The following GFI1B variants were observed in gnomAD, a reference collection of about 807,000 sequenced individuals.
GFI1B encodes growth factor independent 1B transcriptional repressor, also known as zinc finger protein Gfi-1b.
In GFI1B, 20 loss-of-function variants were observed where a neutral mutation model predicts 35.3. That is an observed-to-expected ratio of 0.57 (90% CI 0.40 to 0.82). GFI1B has a LOEUF of 0.82. GFI1B is among the 40% of genes least tolerant of loss of function. GFI1B has a pLI of 0.00. For synonymous variants in GFI1B, 178 were observed against 177.6 expected, an observed-to-expected ratio of 1.00 and a Z score of -0.02; for missense variants, 430 against 446.3, an observed-to-expected ratio of 0.96 and a Z score of 0.33.
At chr9:132,970,304 C>G (rs1277010366) in intron 1 of GFI1B, among the ~76,000 whole-genome samples, 1 of 152,196 alleles carries the variant, frequency 6.6e-6, no homozygotes, top group South Asian at 2.1e-4. Context: ...GCAAGCTCCT[C>G]TGTTTGCTGA....
upstream of GFI1B, among the ~76,000 whole-genome samples, chr9:132,977,161 TG>T (rs1848654481): frequency 6.6e-6 from 1 of 152,176 alleles, no homozygotes; most frequent in South Asian, 2.1e-4. Flanking sequence ...TTCTCCATGT[TG>T]GTCAGGCTGG....
Position 132,986,725 on chromosome 9 carries a change from A to C in GFI1B, c.47A>C (p.His16Pro). The C allele has an allele frequency of 6.2e-7, 1 of 1,613,038 alleles. No individual in the cohort carries two copies. The highest frequency in any genetic ancestry group is 1.1e-5 in the South Asian group (1 of 90,774). ...AAGAGCAAGAAGGCTCACACCTACC[A>C]CCAGCCCCGTGTGCAGGAAGATGAA... is the stretch of plus-strand genomic sequence containing the variant. ...LVKSKKAHTY[H>P]QPRVQEDEPL... Residue 16 changes from histidine to proline, a missense_variant, in exon 2 of 7, where the codon CAC (histidine) becomes CCC (proline). Transcript: ENST00000372122.
chr9:132,992,359 G>A (rs1849319030), downstream of GFI1B, among the ~76,000 whole-genome samples: 1 of 152,076 alleles, frequency 6.6e-6, no homozygotes, highest in African/African-American at 2.4e-5. Context: ...TCCTAACCCT[G>A]GAACCTATGA....
In GFI1B at chr9:132,990,902, G is replaced by A. The variant is rs753669252; in HGVS notation, c.845G>A (p.Gly282Glu). The A allele has an allele frequency of 2.5e-6, 4 of 1,614,096 alleles. No homozygotes were observed. The highest frequency in any genetic ancestry group is 3.4e-6 in the Non-Finnish European group (4 of 1,180,022). Residue 282 changes from glycine (G) to glutamate (E), a missense_variant, in exon 7 of 7, where the codon GGA becomes GAA. Transcript: ENST00000372122. ...GEKPHKCQVC[G>E]KAFSQSSNLI... ...AAGCCGCACAAGTGCCAGGTGTGCG[G>A]AAAGGCCTTCAGCCAGAGCTCCAAC...
rs1378782359 is a variant in GFI1B, at chr9:132,988,198, G to A, written c.240G>A (p.Glu80=). 1.5e-5 allele frequency: 24 copies of A among 1,613,730 alleles called. No individual in the cohort carries two copies. The highest frequency in any genetic ancestry group is 2.0e-5 in the Non-Finnish European group (24 of 1,179,786). The part of the protein sequence containing the change: ...QNLARMAPAP[E]GPIVLSRPQD... ...AGGCCTGTGTCGTTATCTCCACAGA[G>A]GGCCCCATTGTGCTGTCCCGACCCC... The change falls in exon 4 of 7, where the codon GAG becomes GAA. Residue 80 remains glutamate (E), a splice_region_variant and synonymous_variant. Transcript: ENST00000372122.
chr9:132,991,234 C>T lies in GFI1B; in HGVS notation c.*184C>T. The T allele has an allele frequency of 1.6e-6, 1 of 624,420 alleles. No homozygotes were observed. Among genetic ancestry groups the T allele is most frequent in the Non-Finnish European group, 2.8e-6 (1 of 352,254 alleles). The allele number at this position is 624,420 out of a possible 1,614,324, so 38.7% of individuals were successfully genotyped here. ...AAGTCACTTACCCTGTCTGGATCAA[C>T]ATTTCTCCTGCTGCCAAGTGTGGGA... On this transcript the variant is annotated 3_prime_UTR_variant, in exon 7 of 7. Transcript: ENST00000372122.
chr9:132,960,051 G>A (rs1848341118), intron 1 of GFI1B, among the ~76,000 whole-genome samples: 3 of 152,232 alleles, frequency 2.0e-5, no homozygotes, highest in Admixed American at 6.5e-5. Context: ...GGACCCAGCA[G>A]ATGACATGGG....
At position 132,989,074 on chromosome 9, in the gene GFI1B, C is replaced by T. The variant is rs146007027; in HGVS notation, c.524C>T (p.Pro175Leu). ...CCCTGCTCCCAGGTCTTCTCCACCC[C>T]TCACGGGCTCGAAGTGCATGTGCGA... ...CVKCNKVFST[P>L]HGLEVHVRRS... is the part of the protein sequence containing the mutation. The change falls in exon 5 of 7, where the codon CCT becomes CTT. Residue 175 changes from proline to leucine, a missense_variant. Transcript: ENST00000372122. This position sits in a 1 kb window ranked among gnomAD's most constrained non-coding sequence, Gnocchi z 6.2. 3.7e-6 allele frequency: 6 copies of T among 1,614,088 alleles called. No homozygotes were observed. The African/African-American group carries it at 4.0e-5, about 11-fold the overall frequency.
chr9:132,973,276 A>G (rs1848563051), intron 2 of GFI1B, among the ~76,000 whole-genome samples: 1 of 152,042 alleles, frequency 6.6e-6, no homozygotes, highest in Non-Finnish European at 1.5e-5. Flanking sequence ...TTCACCCCCA[A>G]TATCCCACGA....
chr9:132,978,890 G>A (rs886635494), intron 1 of GFI1B, 49 bp downstream of exon 1: 1 of 152,244 alleles, frequency 6.6e-6, no homozygotes, highest in African/African-American at 2.4e-5. Flanking sequence ...AAATGTGCCT[G>A]TGCGCCGCAG....
chr9:132,952,416 A>G (rs1227807426), intron 1 of GFI1B: 1 of 152,168 alleles, frequency 6.6e-6, no homozygotes, highest in Admixed American at 6.6e-5. Context: ...CCCAGGCTCA[A>G]GTGACCCTCC....
intron 1 of GFI1B, among the ~76,000 whole-genome samples, chr9:132,961,216 C>T (rs1175713264): frequency 6.6e-6 from 1 of 151,940 alleles, no homozygotes; most frequent in Middle Eastern, 3.4e-3. Context: ...AATAGAAGAC[C>T]GATAAGTTAG....
In GFI1B at chr9:132,991,080, C is replaced by G; in HGVS notation, c.*30C>G. On this transcript the variant is annotated 3_prime_UTR_variant, in exon 7 of 7. Transcript: ENST00000372122. ...GCGCCGGCTCCCAGCTCCTGGCCAG[C>G]CTGCCCTGCGGTCCTGTCACCTGGA... 1.2e-6 allele frequency: 2 copies of G among 1,603,898 alleles called. No individual in the cohort carries two copies. The highest frequency in any genetic ancestry group is 1.7e-6 in the Non-Finnish European group (2 of 1,175,098).
intron 1 of GFI1B, among the ~76,000 whole-genome samples, chr9:132,985,130 C>T (rs908451834): frequency 9.2e-5 from 14 of 152,186 alleles, no homozygotes; most frequent in African/African-American, 2.9e-4. Flanking sequence ...CTGGGTGCAG[C>T]GTGGGGGCAG....
chr9:132,950,807 G>C (rs1403823893), intron 1 of GFI1B, among the ~76,000 whole-genome samples: 2 of 144,204 alleles, frequency 1.4e-5, no homozygotes, highest in South Asian at 2.2e-4. Context: ...AGCTTTCTCT[G>C]TTTGTATGGG....
In GFI1B at chr9:132,986,777, G is replaced by T. The variant is rs758146973; in HGVS notation, c.99G>T (p.Pro33=). Residue 33 remains proline (P), a splice_region_variant and synonymous_variant, in exon 2 of 7, where the codon CCG becomes CCT. Transcript: ENST00000372122. ...CGCTCTGGCCTCCTGCCCTTACCCC[G>T]GGTGAGTCAGAGCCCGGGCTGGCGC... ...DEPLWPPALT[P]VPRDQAPSNS... is the part of the protein sequence containing the mutation. 2 of 1,602,806 alleles carry T rather than the reference G, an allele frequency of 1.2e-6. No individual in the cohort carries two copies. The highest frequency in any genetic ancestry group is 2.2e-5 in the East Asian group (1 of 44,680).
At chr9:132,956,011 A>G (rs1848279178) in intron 1 of GFI1B, among the ~76,000 whole-genome samples, 2 of 152,170 alleles carry the variant, frequency 1.3e-5, no homozygotes, top group South Asian at 4.1e-4. Context: ...CAGGCCTTGA[A>G]TTGATTGGAT....
chr9:132,977,875 G>A (rs1490604281), upstream of GFI1B, among the ~76,000 whole-genome samples: 1 of 152,192 alleles, frequency 6.6e-6, no homozygotes, highest in African/African-American at 2.4e-5. Flanking sequence ...AATCTGTATG[G>A]CAGCTTCAGC....
Position 132,989,042 on chromosome 9 carries a change from A to T in GFI1B, c.511-19A>T. ...TCACCGCAGCCCCCAGTGGCCTCACATGCTGCCCCTGCTCCCAGGTCTTCT... is the reference window on the plus strand; with the variant it reads ...TCACCGCAGCCCCCAGTGGCCTCACTTGCTGCCCCTGCTCCCAGGTCTTCT... On this transcript the variant is annotated intron_variant, in intron 4 of 6. Coordinates refer to ENST00000372122, the MANE Select transcript of GFI1B (RefSeq NM_001377304.1). The surrounding 1 kb of genome is among the most constrained non-coding windows in gnomAD (Gnocchi z 6.2). The T allele has an allele frequency of 6.2e-7, 1 of 1,613,456 alleles. No homozygotes were observed. Among genetic ancestry groups the T allele is most frequent in the Non-Finnish European group, 8.5e-7 (1 of 1,179,432 alleles).
Sources: allele counts gnomAD v4.1 joint callset (sites outside exome capture counted in the v4.1 genomes callset), GRCh38; gene constraint gnomAD v4.1.1; non-coding constraint Gnocchi (gnomAD v3.1); transcripts MANE v1.5; gene names NCBI Gene and HGNC (gene_info 2026-07-23, HGNC 2026-07-21).